VPS13A: variants seen among roughly 807,000 people sequenced by gnomAD.
VPS13A encodes the protein intermembrane lipid transfer protein VPS13A.
A neutral mutation model predicts 390.9 loss-of-function variants in VPS13A; 264 were observed. The observed-to-expected ratio is 0.68, with a 90% CI of 0.61 to 0.75. VPS13A has a LOEUF of 0.75. VPS13A is among the 30% of genes least tolerant of loss of function. VPS13A has a pLI of 0.00. For missense variants in VPS13A, 3,409 were observed against 3,733.9 expected (o/e 0.91, Z 2.27); for synonymous variants, 1,231 against 1,227.1 (o/e 1.00, Z -0.07).
chr9:77,226,314 A>G, intron 14 of VPS13A, 152 bp from the exon 15 acceptor site: 2 of 696,304 alleles, frequency 2.9e-6, no homozygotes, highest in Non-Finnish European at 4.8e-6. Flanking sequence ...TGTTCGACTA[A>G]TGTTGCAGTT....
chr9:77,324,583 T>TAATC (rs1829908880), intron 45 of VPS13A, among the ~76,000 whole-genome samples: 1 of 152,226 alleles, frequency 6.6e-6, no homozygotes, highest in African/African-American at 2.4e-5. Context: ...TTCCTAGGAT[T>TAATC]AATCTCACAT....
rs1358655731 is a variant in VPS13A at position 77,365,568 on chromosome 9, A to G, written c.8320A>G (p.Ile2774Val). The G allele has an allele frequency of 1.9e-6, 3 of 1,596,944 alleles. No homozygotes were observed. Among genetic ancestry groups the G allele is most frequent in the East Asian group, 4.5e-5 (2 of 44,614 alleles). The change falls in exon 60 of 72, where the codon ATC becomes GTC. Residue 2774 changes from isoleucine (I) to valine (V), a missense_variant. Ile to Val is a conservative substitution (Grantham distance 29). This residue lies in a region of VPS13A where 123 missense variants were observed against 118.7 expected (regional missense o/e 1.04). Transcript: ENST00000360280. ...CTATGAATATTTTCATATATCTCCT[A>G]TCAAGGTAGGAGAAAGTCATTTTTA... is the stretch of plus-strand genomic sequence containing the variant. ...SLYEYFHISP[I>V]KLHLSVSLSS...
rs138938100 is a variant in VPS13A, at chr9:77,353,793, G to A, written c.7652+152G>A. 963 of 769,580 alleles carry A rather than the reference G, an allele frequency of 1.3e-3. 7 individuals are homozygous for A. In the African/African-American group the frequency reaches 0.015, roughly 12 times the overall value. 47.7% of individuals were successfully genotyped at this position (769,580 alleles called of 1,614,324 possible). On this transcript the variant is annotated intron_variant, in intron 54 of 71. Transcript: ENST00000360280. Reference sequence around the variant, plus strand: ...GTGCTAGTTTTAAATGTGCTTGAGGGAATTTTTTGCCTTTTGAAATAAAGA... The same window carrying A: ...GTGCTAGTTTTAAATGTGCTTGAGGAAATTTTTTGCCTTTTGAAATAAAGA...
chr9:77,189,440 G>C (rs1199220496), intron 1 of VPS13A, among the ~76,000 whole-genome samples: 6 of 151,926 alleles, frequency 3.9e-5, no homozygotes, highest in African/African-American at 1.5e-4. Flanking sequence ...CTGGGCTCTT[G>C]ACCTGTTCCA....
intron 1 of VPS13A, among the ~76,000 whole-genome samples, chr9:77,190,600 A>T (rs1475156814): frequency 6.6e-6 from 1 of 152,206 alleles, no homozygotes; most frequent in Non-Finnish European, 1.5e-5. Context: ...AAATAAAATG[A>T]GTTAGGGAGG....
intron 71 of VPS13A, among the ~76,000 whole-genome samples, chr9:77,407,990 T>C (rs1834708232): frequency 6.6e-6 from 1 of 152,180 alleles, no homozygotes; most frequent in African/African-American, 2.4e-5. Context: ...GCTACCGTGA[T>C]TTTTTAAAAA....
At chr9:77,312,715 G>A (rs574930970) in intron 35 of VPS13A, among the ~76,000 whole-genome samples, 11 of 152,102 alleles carry the variant, frequency 7.2e-5, no homozygotes, top group Non-Finnish European at 1.2e-4. Flanking sequence ...ATGCCCAGCC[G>A]TTCATATAAT....
In VPS13A at chr9:77,286,484, C is replaced by G. The variant is rs1827331895; in HGVS notation, c.3339+2834C>G. On this transcript the variant is annotated intron_variant, in intron 31 of 71. Coordinates refer to ENST00000360280, the MANE Select transcript of VPS13A (RefSeq NM_033305.3). ...GGCAGGGCTCATAGGAACAATAATC[C>G]TTATTTATATTTGCAGGGTAGTTTG... is the stretch of plus-strand genomic sequence containing the variant. Among the ~76,000 whole-genome samples, 4 of 152,260 alleles carry G rather than the reference C, an allele frequency of 2.6e-5. 1 individual carries two copies. The South Asian group carries it at 8.3e-4, about 32-fold the overall frequency.
intron 6 of VPS13A, among the ~76,000 whole-genome samples, chr9:77,210,013 C>T (rs564714979): frequency 2.2e-3 from 330 of 151,902 alleles, no homozygotes; most frequent in Non-Finnish European, 3.6e-3. Flanking sequence ...CTGTGTAACA[C>T]GAATACATTA....
rs1475619095 is a variant in VPS13A, at chr9:77,213,332, G to C, written c.696+18G>C. 1.9e-6 allele frequency: 3 copies of C among 1,585,482 alleles called. No homozygotes were observed. The highest frequency in any genetic ancestry group is 2.6e-6 in the Non-Finnish European group (3 of 1,154,794). ...ACTCCTTGGTAAGTAAATTTTTTCT[G>C]TATGTATTTGTTGGTATCATATTTT... is the stretch of plus-strand genomic sequence containing the variant. On this transcript the variant is annotated intron_variant, in intron 9 of 71. Coordinates refer to ENST00000360280, the MANE Select transcript of VPS13A (RefSeq NM_033305.3).
intron 24 of VPS13A, among the ~76,000 whole-genome samples, chr9:77,274,484 G>T (rs1826531780): frequency 2.0e-5 from 3 of 151,102 alleles, no homozygotes; most frequent in Non-Finnish European, 2.9e-5. Flanking sequence ...TCTTTATTTG[G>T]CTGTGAGTTA....
chr9:77,335,348 T>C (rs1830481959), intron 46 of VPS13A, among the ~76,000 whole-genome samples: 1 of 152,010 alleles, frequency 6.6e-6, no homozygotes, highest in South Asian at 2.1e-4. Context: ...AAATCCAAAA[T>C]TGACAAATGG....
chr9:77,344,403 G>A, intron 51 of VPS13A, 122 bp downstream of exon 51: 8 of 1,104,562 alleles, frequency 7.2e-6, no homozygotes, highest in Middle Eastern at 2.9e-4. Context: ...CCCCAAAAAC[G>A]AACAAACATT....
At chr9:77,344,423 A>G (rs1475257236) in intron 51 of VPS13A, 142 bp downstream of exon 51, 1 of 999,554 alleles carries the variant, frequency 1.0e-6, no homozygotes, top group East Asian at 2.7e-5. Flanking sequence ...TTCTTTTTGT[A>G]GAAGGAAACA....
chr9:77,359,012 A>G (rs1831978021), intron 57 of VPS13A, among the ~76,000 whole-genome samples: 2 of 152,182 alleles, frequency 1.3e-5, no homozygotes, highest in South Asian at 2.1e-4. Context: ...TTTGGCCAGT[A>G]TAATGCGTAA....
intron 7 of VPS13A, 117 bp downstream of exon 7, chr9:77,210,792 A>G (rs1825939052): frequency 9.8e-7 from 1 of 1,018,408 alleles, no homozygotes; most frequent in Non-Finnish European, 1.5e-6. Context: ...CGGGTGCACA[A>G]AGGGTCTTCA....
At chr9:77,210,537 CAT>C in intron 6 of VPS13A, 77 bp from the exon 7 acceptor site, 2 of 1,409,688 alleles carry the variant, frequency 1.4e-6, no homozygotes, top group Non-Finnish European at 1.0e-6. Context: ...AGCCGCTGCA[CAT>C]TGACAGTTTT....
intron 23 of VPS13A, among the ~76,000 whole-genome samples, chr9:77,261,113 C>T (rs1394562158): frequency 6.6e-6 from 1 of 151,720 alleles, no homozygotes; most frequent in Non-Finnish European, 1.5e-5. Flanking sequence ...CTTGGCCAGG[C>T]TGGTCTTGAA....
intron 35 of VPS13A, 97 bp downstream of exon 35, chr9:77,308,195 C>T (rs1343317336): frequency 1.5e-6 from 2 of 1,329,186 alleles, no homozygotes; most frequent in South Asian, 1.2e-5. Context: ...TCCCTCCTTC[C>T]TCCCCTCTTT....
Sources: allele counts gnomAD v4.1 joint callset (sites outside exome capture counted in the v4.1 genomes callset), GRCh38; gene constraint gnomAD v4.1.1; regional missense constraint gnomAD v4.1.1; transcripts MANE v1.5; gene names NCBI Gene and HGNC (gene_info 2026-07-23, HGNC 2026-07-21).